BSN: variants seen among roughly 807,000 people sequenced by gnomAD.
BSN encodes the protein bassoon presynaptic cytomatrix protein.
BSN carries 57 observed loss-of-function variants against 264.8 expected under a neutral mutation model. That is an observed-to-expected ratio of 0.22 (90% CI 0.17 to 0.27). BSN has a LOEUF of 0.27. Ranked by LOEUF, BSN falls within the 10% of genes least tolerant of loss-of-function variation. The pLI is 1.00. For synonymous variants in BSN, 2,059 were observed against 2,137.3 expected (o/e 0.96, Z 1.01); for missense variants, 4,615 against 5,232.5 (o/e 0.88, Z 3.64).
chr3:49,664,925 T>C, intron 10 of BSN, 72 bp downstream of exon 10: 1 of 1,043,514 alleles, frequency 9.6e-7, no homozygotes. Flanking sequence ...GGTGGGGCTC[T>C]AAGTCCGAAG....
intron 2 of BSN, among the ~76,000 whole-genome samples, chr3:49,626,055 G>A (rs78096163): frequency 0.013 from 1,993 of 152,344 alleles, 20 homozygotes; most frequent in Non-Finnish European, 0.02. Flanking sequence ...GACCATTTCT[G>A]TGAGTTTGGC....
In BSN at chr3:49,664,468, C is replaced by T; in HGVS notation, c.11654C>T (p.Ala3885Val). Residue 3885 changes from alanine to valine, a missense_variant, in exon 9 of 12, where the codon GCC (alanine) becomes GTC (valine). By Grantham distance (64) the Ala-to-Val change is moderately conservative. Transcript: ENST00000296452. ...ARPGGTPGAP[A>V]GQPGADGESV... is the part of the protein sequence containing the mutation. Reference sequence around the variant, plus strand: ...CCTGGAGGAACCCCAGGGGCTCCCGCCGGCCAGCCAGGTGCCGATGGGGAG... The same window carrying T: ...CCTGGAGGAACCCCAGGGGCTCCCGTCGGCCAGCCAGGTGCCGATGGGGAG... 6.2e-7 allele frequency: 1 copy of T among 1,613,612 alleles called. No individual in the cohort carries two copies. Among genetic ancestry groups the T allele is most frequent in the Non-Finnish European group, 8.5e-7 (1 of 1,179,968 alleles).
intron 3 of BSN, among the ~76,000 whole-genome samples, chr3:49,645,820 T>A (rs2052500410): frequency 6.6e-6 from 1 of 152,210 alleles, no homozygotes; most frequent in Admixed American, 6.5e-5. Flanking sequence ...TACCCTGCCT[T>A]GGGAGTGTGG....
intron 2 of BSN, among the ~76,000 whole-genome samples, chr3:49,626,084 G>A (rs2052339662): frequency 6.6e-6 from 1 of 152,184 alleles, no homozygotes; most frequent in African/African-American, 2.4e-5. Flanking sequence ...CGCCCAAGAG[G>A]ACAAGAGGAC....
Position 49,658,084 on chromosome 3 carries a change from T to G in BSN, c.8528T>G (p.Met2843Arg), listed in dbSNP as rs769940614. 5 of 1,613,156 alleles carry G rather than the reference T, an allele frequency of 3.1e-6. No individual in the cohort carries two copies. The South Asian group carries it at 5.5e-5, about 18-fold the overall frequency. The stretch of plus-strand genomic sequence containing the variant: ...CGCCAGCAGACGCTGCCTCGCCCCA[T>G]GAAGACCCTGCAGCGGTCCCTGTCT... ...ALRQQTLPRP[M>R]KTLQRSLSDP... The change falls in exon 5 of 12, where the codon ATG becomes AGG. Residue 2843 changes from methionine to arginine, a missense_variant. Physicochemically the swap from Met to Arg is moderately conservative, Grantham distance 91. This residue lies in a region of BSN where 3,415 missense variants were observed against 3,866.4 expected (regional missense o/e 0.88). Transcript: ENST00000296452.
intron 1 of BSN, among the ~76,000 whole-genome samples, chr3:49,610,036 G>A (rs764355040): frequency 2.6e-5 from 4 of 152,322 alleles, no homozygotes; most frequent in Admixed American, 6.5e-5. Context: ...GGACTCTGTG[G>A]TCACTGTGTG....
intron 1 of BSN, among the ~76,000 whole-genome samples, chr3:49,565,614 C>T (rs1156653171): frequency 2.6e-5 from 4 of 152,106 alleles, no homozygotes; most frequent in Non-Finnish European, 5.9e-5. Flanking sequence ...GCTACCGCGC[C>T]CGGCCAGGAT....
chr3:49,670,286 T>G lies in BSN; in HGVS notation c.*2801T>G, dbSNP rs1262364834. On this transcript the variant is annotated 3_prime_UTR_variant, in exon 12 of 12. Transcript: ENST00000296452. Reference sequence around the variant, plus strand: ...CTTGGAGACCAAGGCAATAGTCCTTTCCACTACAGGCCAGGGGATGGGACA... The same window carrying G: ...CTTGGAGACCAAGGCAATAGTCCTTGCCACTACAGGCCAGGGGATGGGACA... The G allele has an allele frequency of 6.6e-6, 1 of 152,280 alleles. No homozygotes were observed. The highest frequency in any genetic ancestry group is 1.5e-5 in the Non-Finnish European group (1 of 68,060). 9.4% of individuals were successfully genotyped at this position (152,280 alleles called of 1,614,324 possible). A position where few individuals can be genotyped will look rare whatever the true frequency, so the allele number is the denominator to read the frequency against.
intron 1 of BSN, among the ~76,000 whole-genome samples, chr3:49,613,350 A>AGAGAGAGAGAGAGAGAGAGAGAC (rs1553662899): frequency 5.5e-5 from 1 of 18,020 alleles, no homozygotes. Flanking sequence ...GAGAGAGAGA[A>AGAGAGAGAGAGAGAGAGAGAGAC]GGGCTGGCCC....
At position 49,651,093 on chromosome 3, in the gene BSN, A is replaced by G. The variant is rs199928811; in HGVS notation, c.1986+14A>G. Reference sequence around the variant, plus strand: ...GGGGAGGCGGAGGTCAGTCCCATTCACTTCCCAGAGACCCTAGCTTTCAGA... The same window carrying G: ...GGGGAGGCGGAGGTCAGTCCCATTCGCTTCCCAGAGACCCTAGCTTTCAGA... On this transcript the variant is annotated intron_variant, in intron 4 of 11. Transcript: ENST00000296452. The surrounding 1 kb of genome is among the most constrained non-coding windows in gnomAD (Gnocchi z 5.4). 2.4e-5 allele frequency: 38 copies of G among 1,593,006 alleles called. No homozygotes were observed. The African/African-American group carries it at 4.9e-4, about 21-fold the overall frequency.
At chr3:49,588,238 T>A (rs2051951230) in intron 1 of BSN, among the ~76,000 whole-genome samples, 1 of 152,040 alleles carries the variant, frequency 6.6e-6, no homozygotes, top group African/African-American at 2.4e-5. Context: ...TTCCTTTTGA[T>A]TCAGTTCTAG....
chr3:49,582,711 G>A (rs561817506), intron 1 of BSN, among the ~76,000 whole-genome samples: 14 of 152,082 alleles, frequency 9.2e-5, no homozygotes, highest in East Asian at 1.9e-4. Context: ...CTTGCACATC[G>A]TTGTCTTGTT....
intron 1 of BSN, among the ~76,000 whole-genome samples, chr3:49,566,852 A>G (rs1427594956): frequency 2.9e-5 from 4 of 135,988 alleles, no homozygotes; most frequent in African/African-American, 5.1e-5. Flanking sequence ...AATCCATTAT[A>G]AAGTCCTTAT....
Position 49,654,660 on chromosome 3 carries a change from C to G in BSN, c.5104C>G (p.Pro1702Ala). Residue 1702 changes from proline to alanine, a missense_variant, in exon 5 of 12, where the codon CCA (proline) becomes GCA (alanine). Pro to Ala is a conservative substitution (Grantham distance 27). This residue lies in a region of BSN where 3,415 missense variants were observed against 3,866.4 expected (regional missense o/e 0.88). Coordinates refer to ENST00000296452, the MANE Select transcript of BSN (RefSeq NM_003458.4). This position sits in a 1 kb window ranked among gnomAD's most constrained non-coding sequence, Gnocchi z 4.1. ...EARKYGLALDPIPGRQSTAVQ... is the reference protein window; with the variant it reads ...EARKYGLALDAIPGRQSTAVQ... ...GAGGAAGTATGGTCTTGCCCTGGAT[C>G]CAATCCCAGGACGGCAGTCGACCGC... 1 of 1,613,858 alleles carries G rather than the reference C, an allele frequency of 6.2e-7. No homozygotes were observed. The highest frequency in any genetic ancestry group is 1.3e-5 in the African/African-American group (1 of 75,052).
intron 1 of BSN, among the ~76,000 whole-genome samples, chr3:49,622,553 A>G (rs1461021460): frequency 1.3e-5 from 2 of 152,234 alleles, no homozygotes; most frequent in African/African-American, 4.8e-5. Context: ...TTATTGGGCA[A>G]CACAAATACA....
At chr3:49,641,105 G>A (rs2052459539) in intron 2 of BSN, among the ~76,000 whole-genome samples, 1 of 152,154 alleles carries the variant, frequency 6.6e-6, no homozygotes, top group Non-Finnish European at 1.5e-5. Flanking sequence ...CACTTAGAGT[G>A]TTTGATCCTA....
At chr3:49,573,056 C>T (rs529392979) in intron 1 of BSN, among the ~76,000 whole-genome samples, 11 of 152,264 alleles carry the variant, frequency 7.2e-5, no homozygotes, top group Admixed American at 3.9e-4. Flanking sequence ...TTGGATGTAG[C>T]GGTGAGCAAA....
chr3:49,568,550 A>G (rs915139171), intron 1 of BSN, among the ~76,000 whole-genome samples: 3 of 152,092 alleles, frequency 2.0e-5, no homozygotes, highest in African/African-American at 4.8e-5. Context: ...TTTTATGTAA[A>G]AGGTAGCAGA....
intron 1 of BSN, among the ~76,000 whole-genome samples, chr3:49,605,357 T>C (rs2052105659): frequency 1.2e-5 from 1 of 81,986 alleles, no homozygotes; most frequent in African/African-American, 4.9e-5. Context: ...TAAATATATA[T>C]TTATAAATAT....
Sources: gnomAD v4.1 joint callset for allele counts (sites outside exome capture counted in the v4.1 genomes callset) on GRCh38, gnomAD v4.1.1 for gene constraint, gnomAD v4.1.1 regional missense constraint, Gnocchi (gnomAD v3.1) non-coding constraint, MANE v1.5 for transcripts, NCBI Gene and HGNC (gene_info 2026-07-23, HGNC 2026-07-21) for gene names.